Variants in ITFG1 observed in about 807,000 individuals in gnomAD.
ITFG1 encodes integrin alpha FG-GAP repeat containing 1.
ITFG1 carries 34 observed loss-of-function variants against 81.8 expected under a neutral mutation model. The ratio of observed to expected loss-of-function variants is 0.42; its 90% CI spans 0.32 to 0.55. The LOEUF is 0.55. Among genes scored for constraint, ITFG1 ranks in the 20% least tolerant of loss-of-function variants. The pLI is 0.17. For synonymous variants in ITFG1, 285 were observed against 270.6 expected (o/e 1.05, Z -0.52); for missense variants, 672 against 755.4 (o/e 0.89, Z 1.29).
intron 8 of ITFG1, among the ~76,000 whole-genome samples, chr16:47,321,672 C>G (rs1461165314): frequency 6.6e-6 from 1 of 152,050 alleles, no homozygotes; most frequent in African/African-American, 2.4e-5. Context: ...TGCACTCCAG[C>G]CTGGACAACA....
chr16:47,171,122 C>T (rs1281403568), intron 14 of ITFG1, among the ~76,000 whole-genome samples: 1 of 150,592 alleles, frequency 6.6e-6, no homozygotes, highest in Non-Finnish European at 1.5e-5. Context: ...GCCTTGAACT[C>T]CTGGGCTTAA....
intron 8 of ITFG1, among the ~76,000 whole-genome samples, chr16:47,350,012 C>T (rs2151580869): frequency 6.6e-6 from 1 of 152,224 alleles, no homozygotes; most frequent in East Asian, 1.9e-4. Context: ...TTCTTTGAAA[C>T]CAATGAGAAC....
At position 47,161,739 on chromosome 16, in the gene ITFG1, A is replaced by G; in HGVS notation, c.1661+11T>C. The G allele has an allele frequency of 6.3e-7, 1 of 1,578,246 alleles. No homozygotes were observed. The highest frequency in any genetic ancestry group is 8.7e-7 in the Non-Finnish European group (1 of 1,147,596). ...GTGTCTTTACCAAATCGGTTCAAGC[A>G]AGTACATTACCTTCGAGGGACATTG... On this transcript the variant is annotated intron_variant, in intron 16 of 17. Coordinates refer to ENST00000320640, the MANE Select transcript of ITFG1 (RefSeq NM_030790.5).
intron 6 of ITFG1, among the ~76,000 whole-genome samples, chr16:47,414,321 C>T (rs1182747544): frequency 6.6e-6 from 1 of 150,948 alleles, no homozygotes; most frequent in Non-Finnish European, 1.5e-5. Context: ...GTCAGGAGTT[C>T]AAGACCAGCC....
At chr16:47,287,946 A>T (rs898312975) in intron 10 of ITFG1, among the ~76,000 whole-genome samples, 8 of 152,242 alleles carry the variant, frequency 5.3e-5, no homozygotes, top group African/African-American at 1.7e-4. Flanking sequence ...TCTGCCTTAT[A>T]CAGTGTTATC....
chr16:47,435,438 C>G (rs1969153788), intron 5 of ITFG1, among the ~76,000 whole-genome samples: 1 of 152,128 alleles, frequency 6.6e-6, no homozygotes. Flanking sequence ...GTAGAAAATT[C>G]CAATTACTAG....
At chr16:47,405,053 C>T (rs79162224) in intron 6 of ITFG1, among the ~76,000 whole-genome samples, 7,481 of 151,974 alleles carry the variant, frequency 0.049, 256 homozygotes, top group Middle Eastern at 0.1. Flanking sequence ...TCACAAATAT[C>T]GTCTCCCAAT....
At chr16:47,400,212 C>T (rs1029344778) in intron 6 of ITFG1, among the ~76,000 whole-genome samples, 2 of 152,186 alleles carry the variant, frequency 1.3e-5, no homozygotes, top group African/African-American at 4.8e-5. Flanking sequence ...TACTTTCCTT[C>T]CTTCACTCAT....
At chr16:47,233,596 G>T (rs1188548206) in intron 13 of ITFG1, among the ~76,000 whole-genome samples, 2 of 152,162 alleles carry the variant, frequency 1.3e-5, no homozygotes, top group Non-Finnish European at 2.9e-5. Flanking sequence ...CTAACAGCCT[G>T]CCTTCAAAGA....
intron 2 of ITFG1, among the ~76,000 whole-genome samples, chr16:47,456,572 G>A (rs2151620217): frequency 6.6e-6 from 1 of 151,980 alleles, no homozygotes; most frequent in Middle Eastern, 3.4e-3. Flanking sequence ...TGCACCTGTA[G>A]TCCCAGCTAC....
chr16:47,432,690 T>C (rs2151610970), intron 5 of ITFG1, among the ~76,000 whole-genome samples: 1 of 152,336 alleles, frequency 6.6e-6, no homozygotes, highest in East Asian at 1.9e-4. Flanking sequence ...TAGCATATGT[T>C]GTAAGGTAAT....
At chr16:47,241,314 A>G (rs1965930943) in intron 12 of ITFG1, among the ~76,000 whole-genome samples, 1 of 152,250 alleles carries the variant, frequency 6.6e-6, no homozygotes. Flanking sequence ...AGAAAAACAA[A>G]GAAACATATA....
intron 10 of ITFG1, among the ~76,000 whole-genome samples, chr16:47,307,115 A>AAC (rs1967179453): frequency 6.7e-6 from 1 of 148,604 alleles, no homozygotes; most frequent in East Asian, 1.9e-4. Context: ...AAAAAAAAAA[A>AAC]AAAAAAAACG....
At chr16:47,433,857 AAT>A (rs4038737) in intron 5 of ITFG1, among the ~76,000 whole-genome samples, 953 of 38,032 alleles carry the variant, frequency 0.025, 9 homozygotes, top group South Asian at 0.047. Context: ...ATAAAAACTG[AAT>A]ATATATATAT....
chr16:47,250,344 T>C (rs1486415576), intron 12 of ITFG1, among the ~76,000 whole-genome samples: 1 of 151,282 alleles, frequency 6.6e-6, no homozygotes, highest in Admixed American at 6.6e-5. Flanking sequence ...AATATGGTAG[T>C]TATATAATAT....
At chr16:47,325,654 C>T (rs556127314) in intron 8 of ITFG1, among the ~76,000 whole-genome samples, 1 of 152,214 alleles carries the variant, frequency 6.6e-6, no homozygotes, top group African/African-American at 2.4e-5. Context: ...CACCACCGAT[C>T]CCACAGAAAT....
chr16:47,444,007 C>G (rs952055329), intron 5 of ITFG1, among the ~76,000 whole-genome samples: 10 of 152,150 alleles, frequency 6.6e-5, no homozygotes, highest in Non-Finnish European at 1.0e-4. Flanking sequence ...ACGTAATTCA[C>G]AAAGCCAGTC....
chr16:47,179,830 A>G (rs1965081697), intron 14 of ITFG1, among the ~76,000 whole-genome samples: 1 of 152,274 alleles, frequency 6.6e-6, no homozygotes, highest in East Asian at 1.9e-4. Context: ...GAGTTCTTAG[A>G]TTTTTGGAAG....
At chr16:47,375,385 G>C (rs543175281) in intron 7 of ITFG1, among the ~76,000 whole-genome samples, 3 of 151,366 alleles carry the variant, frequency 2.0e-5, no homozygotes, top group Non-Finnish European at 4.4e-5. Flanking sequence ...CATGACATTG[G>C]TTTGGGAATC....
Sources: gnomAD v4.1 joint callset for allele counts (sites outside exome capture counted in the v4.1 genomes callset) on GRCh38, gnomAD v4.1.1 for gene constraint, MANE v1.5 for transcripts, NCBI Gene and HGNC (gene_info 2026-07-23, HGNC 2026-07-21) for gene names.